ARHGEF6: variants seen among roughly 807,000 people sequenced by gnomAD.
ARHGEF6 encodes the protein rho guanine nucleotide exchange factor 6.
A neutral mutation model predicts 70.3 loss-of-function variants in ARHGEF6; 9 were observed. The observed-to-expected ratio is 0.13, with a 90% confidence interval of 0.08 to 0.22. The LOEUF is 0.22. ARHGEF6 is among the 10% of genes least tolerant of loss of function. The pLI, the probability that ARHGEF6 is intolerant of heterozygous loss-of-function variation, is 1.00. For missense variants in ARHGEF6, 470 were observed against 563.0 expected (o/e 0.83, Z 1.67); for synonymous variants, 201 against 207.8 (o/e 0.97, Z 0.28).
intron 16 of ARHGEF6, among the ~76,000 whole-genome samples, chrX:136,679,106 T>C (rs758040919): frequency 1.8e-5 from 2 of 112,417 alleles, no homozygotes; most frequent in Admixed American, 1.9e-4. Flanking sequence ...TTTGGACTCA[T>C]AGCTTGGTCC....
chrX:136,708,664 G>C lies in ARHGEF6; in HGVS notation c.923+11C>G. The C allele has an allele frequency of 1.7e-6, 2 of 1,185,137 alleles. No homozygotes were observed. The highest frequency in any genetic ancestry group is 2.3e-6 in the Non-Finnish European group (2 of 873,160). ...TTGCTGGCTATCCTATCAGAAATAT[G>C]CCACACTTACTTTGAACATTCTTCC... On this transcript the variant is annotated intron_variant, in intron 8 of 21. Transcript: ENST00000250617.
intron 21 of ARHGEF6, among the ~76,000 whole-genome samples, chrX:136,668,545 A>C (rs776399825): frequency 1.2e-3 from 123 of 102,703 alleles, no homozygotes; most frequent in African/African-American, 3.5e-3. Flanking sequence ...TATTATTATT[A>C]TTATTATTAT....
At chrX:136,679,683 G>A (rs1054018399) in intron 15 of ARHGEF6, 23 bp from the exon 16 acceptor site, 1 of 1,211,257 alleles carries the variant, frequency 8.3e-7, no homozygotes, top group Non-Finnish European at 1.1e-6. Context: ...CTGATGAGAT[G>A]TTGGCAATCT....
rs369825490 is a variant in ARHGEF6, at chrX:136,706,973, A to G, written c.981T>C (p.Phe327=). 30 of 1,209,605 alleles carry G rather than the reference A, an allele frequency of 2.5e-5. 1 individual carries two copies. The African/African-American group carries it at 4.7e-4, about 19-fold the overall frequency. The change falls in exon 9 of 22, where the codon TTT becomes TTC. Residue 327 remains phenylalanine (F), a synonymous_variant. Coordinates refer to ENST00000250617, the MANE Select transcript of ARHGEF6 (RefSeq NM_004840.3). ...CACAGTAAGCCAGATACATAGATTT[A>G]AAATGAGGCATGAGACTCAGTAGAC... ...GGCLLSLMPH[F]KSMYLAYCAN...
At chrX:136,726,732 C>T (rs939460736) in intron 6 of ARHGEF6, among the ~76,000 whole-genome samples, 12 of 112,423 alleles carry the variant, frequency 1.1e-4, no homozygotes, top group African/African-American at 3.9e-4. Flanking sequence ...AAAGCAAGAA[C>T]AAAATAAATG....
intron 2 of ARHGEF6, among the ~76,000 whole-genome samples, chrX:136,768,203 G>A (rs1021446529): frequency 5.4e-5 from 6 of 111,925 alleles, no homozygotes; most frequent in South Asian, 3.8e-4. Flanking sequence ...CTGATAACAG[G>A]CCCCAAATCA....
chrX:136,674,626 AT>A (rs934889788), intron 19 of ARHGEF6, among the ~76,000 whole-genome samples: 3 of 112,165 alleles, frequency 2.7e-5, no homozygotes, highest in Non-Finnish European at 5.6e-5. Flanking sequence ...TCCTTTCCAA[AT>A]CTGCCTATAA....
intron 5 of ARHGEF6, among the ~76,000 whole-genome samples, chrX:136,742,232 T>A (rs2077050351): frequency 9.0e-6 from 1 of 111,365 alleles, no homozygotes; most frequent in Non-Finnish European, 1.9e-5. Flanking sequence ...GGCAGGAGAA[T>A]GGCGTGAACC....
chrX:136,775,101 C>T (rs944791113), intron 2 of ARHGEF6, among the ~76,000 whole-genome samples: 2 of 111,371 alleles, frequency 1.8e-5, no homozygotes, highest in Admixed American at 9.6e-5. Context: ...TGAAATGTCA[C>T]ATGATTCTAT....
chrX:136,724,078 CTT>C (rs777860865), intron 6 of ARHGEF6, among the ~76,000 whole-genome samples: 2 of 100,440 alleles, frequency 2.0e-5, no homozygotes. Flanking sequence ...TTTTTTCTTT[CTT>C]TTTTTTTTTT....
chrX:136,760,325 A>G (rs183828616), intron 2 of ARHGEF6, among the ~76,000 whole-genome samples: 1 of 112,537 alleles, frequency 8.9e-6, no homozygotes, highest in African/African-American at 3.2e-5. Flanking sequence ...TGGCAACATC[A>G]CATCACCTCT....
Position 136,706,956 on chromosome X carries a change from G to A in ARHGEF6, c.998C>T (p.Ala333Val), listed in dbSNP as rs1460831915. The change falls in exon 9 of 22, where the codon GCT becomes GTT. Residue 333 changes from alanine to valine, a missense_variant. Ala to Val is a moderately conservative substitution (Grantham distance 64, BLOSUM62 0). Coordinates refer to ENST00000250617, the MANE Select transcript of ARHGEF6 (RefSeq NM_004840.3). ...AGCTGAAGGATGGTTTGCACAGTAA[G>A]CCAGATACATAGATTTAAAATGAGG... ...LMPHFKSMYL[A>V]YCANHPSAVN... 8.3e-7 allele frequency: 1 copy of A among 1,210,950 alleles called. No individual in the cohort carries two copies. Among genetic ancestry groups the A allele is most frequent in the African/African-American group, 1.7e-5 (1 of 57,831 alleles).
At chrX:136,728,262 T>C (rs1603346748) in intron 6 of ARHGEF6, among the ~76,000 whole-genome samples, 1 of 111,267 alleles carries the variant, frequency 9.0e-6, no homozygotes, top group Non-Finnish European at 1.9e-5. Flanking sequence ...GGATGCTAAG[T>C]TCCTATTCAA....
chrX:136,779,289 G>T, intron 2 of ARHGEF6, 125 bp downstream of exon 2: 1 of 630,729 alleles, frequency 1.6e-6, no homozygotes, highest in Non-Finnish European at 2.7e-6. Context: ...GGGACCACCA[G>T]TCTGCTACCT....
At chrX:136,728,509 G>A (rs1488550215) in intron 6 of ARHGEF6, among the ~76,000 whole-genome samples, 2 of 108,008 alleles carry the variant, frequency 1.9e-5, no homozygotes, top group Non-Finnish European at 3.9e-5. Flanking sequence ...CAAATTCCCA[G>A]AGGTCTCTAT....
chrX:136,748,255 G>T lies in ARHGEF6; in HGVS notation c.250-663C>A, dbSNP rs897438722. Among the ~76,000 whole-genome samples, 6 of 111,397 alleles carry T rather than the reference G, an allele frequency of 5.4e-5. No individual in the cohort carries two copies. In the East Asian group the frequency reaches 1.4e-3, roughly 26 times the overall value. On this transcript the variant is annotated intron_variant, in intron 2 of 21. Coordinates refer to ENST00000250617, the MANE Select transcript of ARHGEF6 (RefSeq NM_004840.3). ...ATGAATTCAAGTATTTGCCTGCCTG[G>T]GCCTATGGGCTCTTCCTGGCTTTAG...
chrX:136,682,073 G>A (rs1017570719), intron 13 of ARHGEF6, 105 bp from the exon 14 acceptor site: 5 of 603,304 alleles, frequency 8.3e-6, no homozygotes, highest in African/African-American at 6.6e-5. Flanking sequence ...ATGGCTAGAC[G>A]TATTTCTCCA....
At chrX:136,773,361 C>T (rs2077377518) in intron 2 of ARHGEF6, among the ~76,000 whole-genome samples, 2 of 112,063 alleles carry the variant, frequency 1.8e-5, no homozygotes. Flanking sequence ...CCGAGAGAGA[C>T]TCTATCCAGG....
chrX:136,750,804 CT>C (rs11352668), intron 2 of ARHGEF6, among the ~76,000 whole-genome samples: 25,510 of 95,769 alleles, frequency 0.27, 2,670 homozygotes, highest in Middle Eastern at 0.36. Flanking sequence ...TGAAATCAAA[CT>C]TTTTTTTTTT....
Sources: gnomAD v4.1 joint callset for allele counts (sites outside exome capture counted in the v4.1 genomes callset) on GRCh38, gnomAD v4.1.1 for gene constraint, MANE v1.5 for transcripts, NCBI Gene and HGNC (gene_info 2026-07-23, HGNC 2026-07-21) for gene names.